The following CAMTA1 variants were observed in gnomAD, a reference collection of about 807,000 sequenced individuals.
CAMTA1 encodes the protein calmodulin binding transcription activator 1.
CAMTA1 carries 27 observed loss-of-function variants against 170.9 expected under a neutral mutation model. The observed-to-expected ratio is 0.16, with a 90% confidence interval of 0.12 to 0.22. The LOEUF is 0.22. Ranked by LOEUF, CAMTA1 falls within the 10% of genes least tolerant of loss-of-function variation. The pLI, the probability that CAMTA1 is intolerant of heterozygous loss-of-function variation, is 1.00. For missense variants in CAMTA1, 1,619 were observed against 2,217.2 expected (o/e 0.73, Z 5.42); for synonymous variants, 833 against 891.5 (o/e 0.93, Z 1.17).
intron 6 of CAMTA1, among the ~76,000 whole-genome samples, chr1:7,524,373 A>AT (rs770909616): frequency 4.6e-5 from 7 of 151,900 alleles, no homozygotes; most frequent in Non-Finnish European, 7.4e-5. Flanking sequence ...TTAGTTCTAG[A>AT]TTTTTTTTGT....
intron 3 of CAMTA1, among the ~76,000 whole-genome samples, chr1:6,855,220 A>C (rs1176711103): frequency 6.6e-6 from 1 of 152,118 alleles, no homozygotes; most frequent in Admixed American, 6.6e-5. Context: ...AATTTGTATC[A>C]ATCTGGATCC....
intron 3 of CAMTA1, among the ~76,000 whole-genome samples, chr1:6,902,162 T>C (rs1162903766): frequency 6.6e-6 from 1 of 152,136 alleles, no homozygotes; most frequent in Non-Finnish European, 1.5e-5. Flanking sequence ...CATTTTCTTA[T>C]AAGTCTACAC....
At chr1:7,762,264 A>T (rs879848107) in intron 22 of CAMTA1, among the ~76,000 whole-genome samples, 1 of 152,244 alleles carries the variant, frequency 6.6e-6, no homozygotes, top group African/African-American at 2.4e-5. Context: ...AGAGATAATA[A>T]TGGTTAAACT....
At chr1:6,843,526 T>G (rs1329723520) in intron 3 of CAMTA1, among the ~76,000 whole-genome samples, 2 of 152,216 alleles carry the variant, frequency 1.3e-5, no homozygotes, top group African/African-American at 4.8e-5. Flanking sequence ...CTCTTATAAT[T>G]TTTTCCTTGA....
At chr1:6,869,244 A>G (rs1276253559) in intron 3 of CAMTA1, among the ~76,000 whole-genome samples, 1 of 152,128 alleles carries the variant, frequency 6.6e-6, no homozygotes, top group Non-Finnish European at 1.5e-5. Flanking sequence ...GGCGCCTGGG[A>G]GTGGGGCAGG....
chr1:7,070,536 A>G (rs539455151), intron 3 of CAMTA1, among the ~76,000 whole-genome samples: 2 of 152,212 alleles, frequency 1.3e-5, no homozygotes, highest in East Asian at 1.9e-4. Context: ...GCTTTGCACA[A>G]CCTTTTGAGC....
chr1:7,284,138 CTT>C (rs1671927051), intron 5 of CAMTA1, among the ~76,000 whole-genome samples: 1 of 84,118 alleles, frequency 1.2e-5, no homozygotes, highest in Non-Finnish European at 2.3e-5. Flanking sequence ...TCTTCTTCTT[CTT>C]CTTCTTCTTC....
intron 3 of CAMTA1, among the ~76,000 whole-genome samples, chr1:7,037,496 G>T (rs1302005131): frequency 6.6e-6 from 1 of 152,158 alleles, no homozygotes; most frequent in Non-Finnish European, 1.5e-5. Context: ...TTCGCATTGG[G>T]CTTTATGCTA....
At chr1:7,364,658 A>C (rs573658222) in intron 5 of CAMTA1, among the ~76,000 whole-genome samples, 1 of 152,148 alleles carries the variant, frequency 6.6e-6, no homozygotes, top group Non-Finnish European at 1.5e-5. Flanking sequence ...GGCTTCCCTG[A>C]GGAGGGGATG....
intron 6 of CAMTA1, among the ~76,000 whole-genome samples, chr1:7,471,696 T>G (rs1024687258): frequency 4.6e-5 from 7 of 152,238 alleles, no homozygotes; most frequent in Non-Finnish European, 8.8e-5. Flanking sequence ...CTGATGTGGG[T>G]GTCACTGCAG....
intron 6 of CAMTA1, among the ~76,000 whole-genome samples, chr1:7,599,853 G>A (rs1358391407): frequency 1.3e-5 from 2 of 152,096 alleles, no homozygotes; most frequent in African/African-American, 2.4e-5. Flanking sequence ...GAGACAATGG[G>A]GTTTTCTAGA....
At chr1:6,861,574 C>A (rs947332108) in intron 3 of CAMTA1, among the ~76,000 whole-genome samples, 1 of 152,110 alleles carries the variant, frequency 6.6e-6, no homozygotes, top group Non-Finnish European at 1.5e-5. Context: ...GCACGTGTAA[C>A]CCATTTACAT....
intron 3 of CAMTA1, among the ~76,000 whole-genome samples, chr1:6,953,662 G>A (rs1571999395): frequency 1.3e-5 from 2 of 152,128 alleles, no homozygotes; most frequent in Non-Finnish European, 2.9e-5. Flanking sequence ...TTTGATTGAG[G>A]GACTCTAATA....
chr1:7,520,633 C>T (rs941805075), intron 6 of CAMTA1, among the ~76,000 whole-genome samples: 2 of 151,936 alleles, frequency 1.3e-5, no homozygotes, highest in Non-Finnish European at 2.9e-5. Context: ...AGCAGGGGCC[C>T]CTTCTGGGCA....
At chr1:7,404,243 C>G (rs963892621) in intron 5 of CAMTA1, among the ~76,000 whole-genome samples, 2 of 152,200 alleles carry the variant, frequency 1.3e-5, no homozygotes, top group African/African-American at 4.8e-5. Context: ...CGTTTCTGAA[C>G]CTCTTTCTGG....
intron 5 of CAMTA1, among the ~76,000 whole-genome samples, chr1:7,376,323 A>C (rs1158565868): frequency 1.3e-5 from 2 of 152,226 alleles, no homozygotes; most frequent in Non-Finnish European, 2.9e-5. Flanking sequence ...CTCAGGGAGC[A>C]TCTAAGTGGA....
At chr1:7,645,836 ATGCTTC>A (rs1228770212) in intron 7 of CAMTA1, among the ~76,000 whole-genome samples, 1 of 152,250 alleles carries the variant, frequency 6.6e-6, no homozygotes, top group Non-Finnish European at 1.5e-5. Flanking sequence ...GTGCACCTCC[ATGCTTC>A]TGCACGGGCA....
intron 3 of CAMTA1, among the ~76,000 whole-genome samples, chr1:6,988,593 T>C (rs114584054): frequency 0.018 from 2,710 of 152,002 alleles, 69 homozygotes; most frequent in African/African-American, 0.061. Flanking sequence ...GCCTTTTGGA[T>C]TCCCCCCCAC....
Position 7,640,439 on chromosome 1 carries a change from G to T in CAMTA1, c.550G>T (p.Ala184Ser), listed in dbSNP as rs773856072. Residue 184 changes from alanine (A) to serine (S), a missense_variant, in exon 7 of 23, where the codon GCC becomes TCC. By Grantham distance (99) the Ala-to-Ser change is moderately conservative. Transcript: ENST00000303635. ...CCTGGTGCACTACCTGAACGTGCCG[G>T]CCATCGAGGACTGCGGCAAGCCTTG... ...IVLVHYLNVP[A>S]IEDCGKPCGP... The T allele has an allele frequency of 6.2e-7, 1 of 1,614,016 alleles. No homozygotes were observed. The highest frequency in any genetic ancestry group is 8.5e-7 in the Non-Finnish European group (1 of 1,180,036).
Sources: gnomAD v4.1 joint callset for allele counts (sites outside exome capture counted in the v4.1 genomes callset) on GRCh38, gnomAD v4.1.1 for gene constraint, MANE v1.5 for transcripts, NCBI Gene and HGNC (gene_info 2026-07-23, HGNC 2026-07-21) for gene names.